FER1L6: variants seen among roughly 807,000 people sequenced by gnomAD.
The protein encoded by FER1L6 is fer-1 like family member 6.
In FER1L6, 177 loss-of-function variants were observed where a neutral mutation model predicts 219.2. The observed-to-expected ratio is 0.81, with a 90% CI of 0.71 to 0.91. The LOEUF (loss-of-function observed/expected upper bound fraction) is 0.91. Among genes scored for constraint, FER1L6 ranks in the 40% least tolerant of loss-of-function variants. The pLI is 0.00. For missense variants in FER1L6, 2,153 were observed against 2,259.9 expected, an observed-to-expected ratio of 0.95 and a Z score of 0.96; for synonymous variants, 768 against 824.3, an observed-to-expected ratio of 0.93 and a Z score of 1.17.
intron 1 of FER1L6, among the ~76,000 whole-genome samples, chr8:123,856,366 T>G: frequency 8.3e-6 from 1 of 120,800 alleles, no homozygotes; most frequent in African/African-American, 3.2e-5. Context: ...CCAGGCCTCA[T>G]ACTAACATAT....
At chr8:123,887,830 G>A (rs949330493) in intron 1 of FER1L6, among the ~76,000 whole-genome samples, 4 of 152,186 alleles carry the variant, frequency 2.6e-5, no homozygotes, top group African/African-American at 9.7e-5. Context: ...TAAGTCATAT[G>A]TATTTTTTCC....
chr8:123,867,599 C>T (rs1396323040), intron 1 of FER1L6, among the ~76,000 whole-genome samples: 1 of 152,178 alleles, frequency 6.6e-6, no homozygotes. Flanking sequence ...AGAACAATCT[C>T]TTAGTACCTA....
intron 33 of FER1L6, among the ~76,000 whole-genome samples, chr8:124,085,645 GGTCT>G (rs1821750160): frequency 1.3e-5 from 2 of 151,432 alleles, no homozygotes; most frequent in African/African-American, 4.9e-5. Flanking sequence ...CCTAACGTGT[GGTCT>G]GTCTTTGAGA....
intron 1 of FER1L6, among the ~76,000 whole-genome samples, chr8:123,897,772 T>A (rs1812770569): frequency 6.6e-6 from 1 of 152,192 alleles, no homozygotes; most frequent in Non-Finnish European, 1.5e-5. Flanking sequence ...CTAACTTTAC[T>A]GATATAATTA....
intron 1 of FER1L6, among the ~76,000 whole-genome samples, chr8:123,910,308 A>G (rs1813029439): frequency 6.6e-6 from 1 of 152,184 alleles, no homozygotes; most frequent in Non-Finnish European, 1.5e-5. Flanking sequence ...AAGACATCCA[A>G]TCAATGGCAT....
At chr8:123,990,103 C>G (rs536299318) in intron 12 of FER1L6, among the ~76,000 whole-genome samples, 4 of 152,010 alleles carry the variant, frequency 2.6e-5, no homozygotes, top group Non-Finnish European at 5.9e-5. Flanking sequence ...CCCGTCTCTA[C>G]TAAAAATACA....
intron 1 of FER1L6, among the ~76,000 whole-genome samples, chr8:123,928,862 T>C (rs1183838491): frequency 6.6e-6 from 1 of 152,336 alleles, no homozygotes; most frequent in East Asian, 1.9e-4. Context: ...GGAGTCATCA[T>C]TTACTTAAAC....
chr8:123,944,715 T>C (rs1814406582), intron 1 of FER1L6, among the ~76,000 whole-genome samples: 1 of 152,110 alleles, frequency 6.6e-6, no homozygotes, highest in Non-Finnish European at 1.5e-5. Flanking sequence ...AGGTACAGGG[T>C]AACCAGACCT....
At chr8:123,880,228 C>G (rs1392855621) in intron 1 of FER1L6, among the ~76,000 whole-genome samples, 3 of 152,108 alleles carry the variant, frequency 2.0e-5, no homozygotes, top group Non-Finnish European at 4.4e-5. Flanking sequence ...ACCAACTGAT[C>G]AACTGATTGA....
chr8:123,883,709 T>C, intron 1 of FER1L6, among the ~76,000 whole-genome samples: 1 of 151,974 alleles, frequency 6.6e-6, no homozygotes, highest in East Asian at 1.9e-4. Context: ...CTGGTGAGGG[T>C]TCAGTCTTTG....
intron 39 of FER1L6, among the ~76,000 whole-genome samples, chr8:124,110,261 A>C (rs1822964472): frequency 6.6e-6 from 1 of 152,096 alleles, no homozygotes; most frequent in African/African-American, 2.4e-5. Context: ...ATCTGCTAAA[A>C]CCCCCTGAAA....
intron 13 of FER1L6, among the ~76,000 whole-genome samples, chr8:124,007,703 A>C (rs1467038589): frequency 6.6e-6 from 1 of 152,130 alleles, no homozygotes; most frequent in Non-Finnish European, 1.5e-5. Flanking sequence ...TGCCATTTTT[A>C]GCCAAGCAGG....
chr8:123,962,679 G>C (rs944861015), intron 2 of FER1L6, among the ~76,000 whole-genome samples: 1 of 152,188 alleles, frequency 6.6e-6, no homozygotes, highest in Non-Finnish European at 1.5e-5. Flanking sequence ...AGGCTAGAGT[G>C]AAGTGGCGCG....
At chr8:124,095,705 G>A (rs867254462) in intron 35 of FER1L6, among the ~76,000 whole-genome samples, 10 of 152,276 alleles carry the variant, frequency 6.6e-5, no homozygotes, top group South Asian at 6.2e-4. Flanking sequence ...GGGAGTGAAC[G>A]CGGGCACTGT....
intron 6 of FER1L6, 29 bp downstream of exon 6, chr8:123,970,126 T>C (rs1397179274): frequency 1.2e-6 from 2 of 1,602,052 alleles, no homozygotes; most frequent in African/African-American, 2.7e-5. Context: ...GTAATAGTTG[T>C]GGAGAGGTGG....
intron 37 of FER1L6, among the ~76,000 whole-genome samples, chr8:124,099,990 C>T (rs188291968): frequency 3.0e-4 from 45 of 152,256 alleles, no homozygotes; most frequent in African/African-American, 1.0e-3. Context: ...ATCTCTGCTC[C>T]CTAACACTCC....
chr8:123,865,809 A>T (rs1816826383), intron 1 of FER1L6, among the ~76,000 whole-genome samples: 2 of 151,402 alleles, frequency 1.3e-5, no homozygotes, highest in Non-Finnish European at 2.9e-5. Flanking sequence ...TGCGCTTCCC[A>T]GGTGAGGCAA....
chr8:123,996,456 T>C (rs181453333), intron 12 of FER1L6, among the ~76,000 whole-genome samples: 1 of 152,288 alleles, frequency 6.6e-6, no homozygotes, highest in Admixed American at 6.5e-5. Flanking sequence ...TCTACTCCTG[T>C]TTTTTGTTTG....
At chr8:123,963,222 C>T (rs1360987773) in intron 2 of FER1L6, 56 bp from the exon 3 acceptor site, 13 of 1,605,554 alleles carry the variant, frequency 8.1e-6, no homozygotes, top group East Asian at 4.5e-5. Flanking sequence ...GGTAGAGGCT[C>T]GATTGCCACC....
Sources: gnomAD v4.1 joint callset for allele counts (sites outside exome capture counted in the v4.1 genomes callset) on GRCh38, gnomAD v4.1.1 for gene constraint, MANE v1.5 for transcripts, NCBI Gene and HGNC (gene_info 2026-07-23, HGNC 2026-07-21) for gene names.